TOM1L2: variants seen among roughly 807,000 people sequenced by gnomAD.
The protein encoded by TOM1L2 is TOM1-like protein 2.
In TOM1L2, 31 loss-of-function variants were observed where a neutral mutation model predicts 67.9. The ratio of observed to expected loss-of-function variants is 0.46; its 90% confidence interval spans 0.34 to 0.62. TOM1L2 has a LOEUF of 0.62. TOM1L2 is among the 20% of genes least tolerant of loss of function. The pLI is 0.01. For synonymous variants in TOM1L2, 256 were observed against 254.0 expected (o/e 1.01, Z -0.07); for missense variants, 606 against 663.5 (o/e 0.91, Z 0.95).
At chr17:17,944,075 G>A (rs2040843829) in intron 1 of TOM1L2, among the ~76,000 whole-genome samples, 1 of 152,244 alleles carries the variant, frequency 6.6e-6, no homozygotes, top group Non-Finnish European at 1.5e-5. Flanking sequence ...CTCTGGATGA[G>A]AAGGTGGGCT....
At chr17:17,885,362 G>C (rs1004221077) in intron 4 of TOM1L2, among the ~76,000 whole-genome samples, 1 of 152,260 alleles carries the variant, frequency 6.6e-6, no homozygotes, top group Non-Finnish European at 1.5e-5. Context: ...CAGTAGGTGA[G>C]ATGACTGTGG....
At chr17:17,857,619 G>A (rs1218531920) in intron 12 of TOM1L2, 3 of 646,244 alleles carry the variant, frequency 4.6e-6, no homozygotes, top group East Asian at 5.6e-5. Flanking sequence ...AATAGGAGGG[G>A]AAATTTGGCA....
At chr17:17,924,659 A>G (rs1440928265) in intron 1 of TOM1L2, among the ~76,000 whole-genome samples, 2 of 152,136 alleles carry the variant, frequency 1.3e-5, no homozygotes, top group African/African-American at 4.8e-5. Context: ...CAGCTACTCA[A>G]GAGGCTGAGA....
chr17:17,969,073 T>G (rs1245906651), intron 1 of TOM1L2, among the ~76,000 whole-genome samples: 1 of 151,140 alleles, frequency 6.6e-6, no homozygotes, highest in Non-Finnish European at 1.5e-5. Context: ...TTTTTTTTTT[T>G]GGAGACAGAG....
At chr17:17,861,428 C>T in intron 12 of TOM1L2, 48 bp downstream of exon 12, 2 of 1,583,154 alleles carry the variant, frequency 1.3e-6, no homozygotes, top group Non-Finnish European at 1.7e-6. Flanking sequence ...AACCACCTGA[C>T]TTTCCCTCCA....
At position 17,869,459 on chromosome 17, in the gene TOM1L2, G is replaced by C. The variant is rs945420095; in HGVS notation, c.792C>G (p.Thr264=). The C allele has an allele frequency of 6.3e-5, 101 of 1,608,842 alleles. No individual in the cohort carries two copies. The highest frequency in any genetic ancestry group is 8.2e-5 in the Non-Finnish European group (97 of 1,177,330). Residue 264 remains threonine (T), a synonymous_variant, in exon 8 of 15, where the codon ACC becomes ACG. Coordinates refer to ENST00000379504, the MANE Select transcript of TOM1L2 (RefSeq NM_001082968.2). ...CGATGCGCTGCTGCATGGCCCGACA[G>C]GTCCTGTTGAGCTCCTAGGGAACAC... is the stretch of plus-strand genomic sequence containing the variant. The part of the protein sequence containing the change: ...DLELLQELNR[T]CRAMQQRIVE...
chr17:17,865,742 CT>C (rs35408977), intron 10 of TOM1L2, among the ~76,000 whole-genome samples: 36,848 of 103,454 alleles, frequency 0.36, 5,678 homozygotes, highest in Non-Finnish European at 0.48. Context: ...GGTGACCTTT[CT>C]TTTTTTTTTT....
In TOM1L2 at chr17:17,893,819, G is replaced by A. The variant is rs2038417732; in HGVS notation, c.217-9C>T. On this transcript the variant is annotated splice_polypyrimidine_tract_variant and intron_variant, in intron 3 of 14. Transcript: ENST00000379504. ...ACACATGTCTCCAGCACCTGATGTG[G>A]GGAGGGAAGGAAAAGGGTCACCCCA... 2 of 1,612,918 alleles carry A rather than the reference G, an allele frequency of 1.2e-6. No homozygotes were observed. Among genetic ancestry groups the A allele is most frequent in the Non-Finnish European group, 1.7e-6 (2 of 1,179,342 alleles).
At chr17:17,954,193 G>A (rs147647643) in intron 1 of TOM1L2, among the ~76,000 whole-genome samples, 1 of 152,336 alleles carries the variant, frequency 6.6e-6, no homozygotes, top group African/African-American at 2.4e-5. Context: ...AGGCCATGCT[G>A]AGCACAGAAA....
chr17:17,849,228 A>C (rs987620907), intron 13 of TOM1L2, among the ~76,000 whole-genome samples: 1 of 152,210 alleles, frequency 6.6e-6, no homozygotes, highest in Non-Finnish European at 1.5e-5. Flanking sequence ...AGCAGTAGCC[A>C]CAGGGGGCTG....
At chr17:17,927,818 C>T (rs902576676) in intron 1 of TOM1L2, among the ~76,000 whole-genome samples, 2 of 152,100 alleles carry the variant, frequency 1.3e-5, no homozygotes, top group Non-Finnish European at 2.9e-5. Context: ...GCATGTGCCA[C>T]CACACCTGGC....
intron 4 of TOM1L2, among the ~76,000 whole-genome samples, chr17:17,885,495 T>C (rs1476260328): frequency 6.6e-6 from 1 of 152,230 alleles, no homozygotes; most frequent in Non-Finnish European, 1.5e-5. Context: ...TGTCAGCACA[T>C]GTGTGCCCAA....
At chr17:17,895,723 C>T (rs1031994966) in intron 3 of TOM1L2, among the ~76,000 whole-genome samples, 3 of 152,206 alleles carry the variant, frequency 2.0e-5, no homozygotes, top group African/African-American at 7.2e-5. Flanking sequence ...CACAGCTCTC[C>T]TCCAAGCAGC....
chr17:17,872,086 C>T (rs933154573), intron 7 of TOM1L2: 6 of 977,502 alleles, frequency 6.1e-6, no homozygotes, highest in South Asian at 9.5e-5. Flanking sequence ...TGGCCACAGG[C>T]GCCAATGGAC....
At chr17:17,887,792 G>C (rs1271007290) in intron 4 of TOM1L2, among the ~76,000 whole-genome samples, 1 of 152,116 alleles carries the variant, frequency 6.6e-6, no homozygotes, top group African/African-American at 2.4e-5. Flanking sequence ...ACCTTTTGAA[G>C]GCAGACACCG....
chr17:17,970,138 T>C (rs1183706866), intron 1 of TOM1L2, among the ~76,000 whole-genome samples: 1 of 152,078 alleles, frequency 6.6e-6, no homozygotes, highest in Non-Finnish European at 1.5e-5. Context: ...CACTGCAAAC[T>C]CCGCCTCCCG....
chr17:17,900,538 A>AG (rs1228856656), intron 2 of TOM1L2, among the ~76,000 whole-genome samples: 1 of 151,548 alleles, frequency 6.6e-6, no homozygotes. Context: ...AAAAAAAAAA[A>AG]AGAGAGAAAG....
intron 1 of TOM1L2, among the ~76,000 whole-genome samples, chr17:17,967,128 C>G (rs759890583): frequency 6.6e-6 from 1 of 152,186 alleles, no homozygotes; most frequent in South Asian, 2.1e-4. Context: ...TGAGGGACAA[C>G]TAACTATTCT....
Position 17,847,676 on chromosome 17 carries a change from T to G in TOM1L2, c.1483A>C (p.Lys495Gln), listed in dbSNP as rs2035721277. ...GCATCCTCTGACCGCTCTGGCTTCT[T>G]CCGGCCAGAAGGGTTTGAGGCTGGG... ...PAPASNPSGRKKPERSEDALF... is the reference protein window; with the variant it reads ...PAPASNPSGRQKPERSEDALF... The change falls in exon 15 of 15, where the codon AAG becomes CAG. Residue 495 changes from lysine (K) to glutamine (Q), a missense_variant. Coordinates refer to ENST00000379504, the MANE Select transcript of TOM1L2 (RefSeq NM_001082968.2). The G allele has an allele frequency of 1.2e-6, 2 of 1,613,766 alleles. No individual in the cohort carries two copies. The highest frequency in any genetic ancestry group is 1.1e-5 in the South Asian group (1 of 91,076).
Sources: allele counts gnomAD v4.1 joint callset (sites outside exome capture counted in the v4.1 genomes callset), GRCh38; gene constraint gnomAD v4.1.1; transcripts MANE v1.5; gene names NCBI Gene and HGNC (gene_info 2026-07-23, HGNC 2026-07-21).